The following CDH20 variants were observed in gnomAD, a reference collection of about 807,000 sequenced individuals.
The protein encoded by CDH20 is cadherin-20.
In CDH20, 29 loss-of-function variants were observed where a neutral mutation model predicts 74.2. The ratio of observed to expected loss-of-function variants is 0.39; its 90% CI spans 0.29 to 0.53. The LOEUF (loss-of-function observed/expected upper bound fraction) is 0.53, where lower values mean the gene tolerates loss of function less well. Among genes scored for constraint, CDH20 ranks in the 20% least tolerant of loss-of-function variants. The probability of loss-of-function intolerance (pLI) is 0.69; values close to 1 mark genes in which losing one functional copy is unlikely to be tolerated. For missense variants in CDH20, 988 were observed against 1,048.3 expected (o/e 0.94, Z 0.79); for synonymous variants, 469 against 405.4 (o/e 1.16, Z -1.88).
intron 1 of CDH20, among the ~76,000 whole-genome samples, chr18:61,432,072 C>T (rs999964263): frequency 2.6e-5 from 4 of 151,848 alleles, no homozygotes; most frequent in Non-Finnish European, 5.9e-5. Flanking sequence ...TGGTGAAACC[C>T]CATCTCTACT....
chr18:61,503,025 A>C lies in CDH20; in HGVS notation c.734A>C (p.Lys245Thr), dbSNP rs759283649. The change falls in exon 5 of 12, where the codon AAG becomes ACG. Residue 245 changes from lysine to threonine, a missense_variant. By Grantham distance (78) the Lys-to-Thr change is moderately conservative (BLOSUM62 -1). Coordinates refer to ENST00000262717, the MANE Select transcript of CDH20 (RefSeq NM_031891.4). ...KEYYEVIIQAKDMGGQLGGLA... is the reference protein window; with the variant it reads ...KEYYEVIIQATDMGGQLGGLA... Reference sequence around the variant, plus strand: ...TACTACGAAGTGATTATCCAAGCCAAGGACATGGGAGGGCAGCTTGGAGGA... The same window carrying C: ...TACTACGAAGTGATTATCCAAGCCACGGACATGGGAGGGCAGCTTGGAGGA... 2 of 1,613,872 alleles carry C rather than the reference A, an allele frequency of 1.2e-6. No individual in the cohort carries two copies. The highest frequency in any genetic ancestry group is 1.7e-6 in the Non-Finnish European group (2 of 1,179,740).
chr18:61,436,597 G>A (rs753786073), intron 1 of CDH20, among the ~76,000 whole-genome samples: 3 of 152,090 alleles, frequency 2.0e-5, no homozygotes, highest in Non-Finnish European at 2.9e-5. Context: ...TCTAAACTAG[G>A]GATAGAGCCT....
intron 9 of CDH20, among the ~76,000 whole-genome samples, chr18:61,539,966 T>C (rs1912967239): frequency 6.6e-6 from 1 of 152,232 alleles, no homozygotes; most frequent in Admixed American, 6.5e-5. Flanking sequence ...AAGTATGCCC[T>C]TAAACCTAAC....
At chr18:61,542,812 T>C (rs1263240702) in intron 9 of CDH20, among the ~76,000 whole-genome samples, 1 of 152,078 alleles carries the variant, frequency 6.6e-6, no homozygotes, top group African/African-American at 2.4e-5. Context: ...GCAGATCACA[T>C]GGTGAGAGGA....
At chr18:61,513,799 T>C (rs1053272766) in intron 6 of CDH20, among the ~76,000 whole-genome samples, 51 of 151,254 alleles carry the variant, frequency 3.4e-4, no homozygotes, top group Non-Finnish European at 1.8e-4. Context: ...GTTGAAAATT[T>C]TTTTCTTTAA....
At chr18:61,455,884 T>G (rs903631938) in intron 1 of CDH20, among the ~76,000 whole-genome samples, 3 of 152,258 alleles carry the variant, frequency 2.0e-5, no homozygotes, top group Non-Finnish European at 4.4e-5. Context: ...TATGTCAAAT[T>G]AATATTTGTT....
intron 1 of CDH20, among the ~76,000 whole-genome samples, chr18:61,352,032 C>G (rs1011488921): frequency 1.3e-5 from 2 of 152,156 alleles, no homozygotes; most frequent in African/African-American, 4.8e-5. Flanking sequence ...TGATCTTTGA[C>G]CTTCATCACT....
chr18:61,360,788 C>T (rs907447026), intron 1 of CDH20, among the ~76,000 whole-genome samples: 2 of 152,222 alleles, frequency 1.3e-5, no homozygotes, highest in African/African-American at 4.8e-5. Context: ...TCTAACACCA[C>T]TTGCCCCAAG....
At chr18:61,396,471 C>T (rs543264737) in intron 1 of CDH20, among the ~76,000 whole-genome samples, 1 of 152,158 alleles carries the variant, frequency 6.6e-6, no homozygotes, top group Non-Finnish European at 1.5e-5. Flanking sequence ...CTTTTTCAAA[C>T]TCAACCTCAT....
chr18:61,414,637 C>T (rs1244088215), intron 1 of CDH20, among the ~76,000 whole-genome samples: 1 of 151,940 alleles, frequency 6.6e-6, no homozygotes, highest in Non-Finnish European at 1.5e-5. Context: ...GTAATTCTGT[C>T]TAAAAATGTG....
chr18:61,546,585 T>TG (rs1020940421), intron 10 of CDH20, among the ~76,000 whole-genome samples: 67 of 151,970 alleles, frequency 4.4e-4, no homozygotes, highest in East Asian at 3.1e-3. Flanking sequence ...AAGGCAACCC[T>TG]GGGGAGGGAA....
chr18:61,355,464 CAAG>C (rs1225404031), intron 1 of CDH20, among the ~76,000 whole-genome samples: 1 of 152,168 alleles, frequency 6.6e-6, no homozygotes, highest in East Asian at 1.9e-4. Flanking sequence ...TATTTACACA[CAAG>C]GAAAGAACAC....
At chr18:61,479,831 C>T (rs774922536) in intron 1 of CDH20, among the ~76,000 whole-genome samples, 7 of 152,164 alleles carry the variant, frequency 4.6e-5, no homozygotes, top group Non-Finnish European at 1.0e-4. Context: ...TCTGGGCCTT[C>T]TCCCTGCCAG....
intron 5 of CDH20, 115 bp downstream of exon 5, chr18:61,503,235 T>C: frequency 1.4e-6 from 1 of 725,666 alleles, no homozygotes; most frequent in Non-Finnish European, 2.2e-6. Context: ...TATCCATAGA[T>C]TCCTTTCTTA....
At chr18:61,401,279 A>G (rs1291291526) in intron 1 of CDH20, among the ~76,000 whole-genome samples, 2 of 152,198 alleles carry the variant, frequency 1.3e-5, no homozygotes, top group Non-Finnish European at 2.9e-5. Flanking sequence ...GAAAAAAGTG[A>G]GGAGAGAAAG....
chr18:61,411,199 A>T (rs1206375183), intron 1 of CDH20, among the ~76,000 whole-genome samples: 1 of 3,652 alleles, frequency 2.7e-4, no homozygotes, highest in Non-Finnish European at 5.2e-4. Context: ...CTCTGTCTGA[A>T]AAAAAAAAAA....
At chr18:61,543,238 A>C (rs1477427228) in intron 9 of CDH20, among the ~76,000 whole-genome samples, 3 of 152,168 alleles carry the variant, frequency 2.0e-5, no homozygotes, top group Non-Finnish European at 4.4e-5. Flanking sequence ...TTTACAGATG[A>C]AGAAATACAA....
At chr18:61,543,925 T>C (rs1913131368) in intron 9 of CDH20, among the ~76,000 whole-genome samples, 1 of 152,224 alleles carries the variant, frequency 6.6e-6, no homozygotes, top group Non-Finnish European at 1.5e-5. Flanking sequence ...AGCAGGACTT[T>C]GTGGCACCCG....
At chr18:61,422,145 T>C (rs2144275216) in intron 1 of CDH20, among the ~76,000 whole-genome samples, 1 of 152,282 alleles carries the variant, frequency 6.6e-6, no homozygotes, top group South Asian at 2.1e-4. Flanking sequence ...TTCACGGTTC[T>C]TTAGCTCCAT....
Sources: gnomAD v4.1 joint callset for allele counts (sites outside exome capture counted in the v4.1 genomes callset) on GRCh38, gnomAD v4.1.1 for gene constraint, MANE v1.5 for transcripts, NCBI Gene and HGNC (gene_info 2026-07-23, HGNC 2026-07-21) for gene names.